The following ZNF578 variants were observed in gnomAD, a reference collection of about 807,000 sequenced individuals.
ZNF578 encodes the protein zinc finger protein 578, also known as Putative chemokine-related protein B42.
In ZNF578, 8 loss-of-function variants were observed where a neutral mutation model predicts 8.3. That is an observed-to-expected ratio of 0.96 (90% CI 0.56 to 1.74). The LOEUF (loss-of-function observed/expected upper bound fraction) is 1.74, where lower values mean the gene tolerates loss of function less well. Ranked by LOEUF, ZNF578 falls within the 40% of genes most tolerant of loss-of-function variation. ZNF578 has a pLI of 0.00. For missense variants in ZNF578, 726 were observed against 707.5 expected, an observed-to-expected ratio of 1.03 and a Z score of -0.30; for synonymous variants, 206 against 232.2, an observed-to-expected ratio of 0.89 and a Z score of 1.03.
At position 52,516,684 on chromosome 19, in the gene ZNF578, G is replaced by C. The variant is rs1007690741; in HGVS notation, c.*4530G>C. ...TGTAATCTCCCCCACCCTTCAGAAG[G>C]CTCTTTGTAATCCTCCCCACCCTTG... On this transcript the variant is annotated 3_prime_UTR_variant, in exon 6 of 6. Coordinates refer to ENST00000421239, the MANE Select transcript of ZNF578 (RefSeq NM_001099694.2). Among the ~76,000 whole-genome samples, 1 of 152,040 alleles carries C rather than the reference G, an allele frequency of 6.6e-6. No individual in the cohort carries two copies. The highest frequency in any genetic ancestry group is 1.5e-5 in the Non-Finnish European group (1 of 68,032).
chr19:52,459,955 CG>C (rs1267606579), intron 2 of ZNF578, among the ~76,000 whole-genome samples: 1 of 148,772 alleles, frequency 6.7e-6, no homozygotes. Flanking sequence ...TTATTAGAGA[CG>C]GGGTTTCACC....
In ZNF578 at chr19:52,516,447, C is replaced by T. The variant is rs1198326902; in HGVS notation, c.*4293C>T. 6.6e-6 allele frequency among the ~76,000 whole-genome samples: 1 copy of T among 152,156 alleles called. No individual in the cohort carries two copies. The highest frequency in any genetic ancestry group is 6.6e-5 in the Admixed American group (1 of 15,264). On this transcript the variant is annotated 3_prime_UTR_variant, in exon 6 of 6. Transcript: ENST00000421239. ...GTTTATCCTCCATGGTGAGGAGGGC[C>T]GCAGGGGGGACTGTATTTGCTCAGG...
chr19:52,477,852 C>G (rs2059313071), intron 2 of ZNF578, among the ~76,000 whole-genome samples: 1 of 152,212 alleles, frequency 6.6e-6, no homozygotes, highest in African/African-American at 2.4e-5. Flanking sequence ...GAATCTGACA[C>G]TTGACTGCCT....
intron 2 of ZNF578, among the ~76,000 whole-genome samples, chr19:52,472,836 C>T (rs577263254): frequency 6.6e-6 from 1 of 152,246 alleles, no homozygotes; most frequent in Admixed American, 6.5e-5. Context: ...AAAAAACCTC[C>T]CAAATAATTT....
chr19:52,469,198 T>C (rs2059284707), intron 2 of ZNF578, among the ~76,000 whole-genome samples: 1 of 135,024 alleles, frequency 7.4e-6, no homozygotes, highest in African/African-American at 2.7e-5. Context: ...TCTCACTCTT[T>C]TGCCCAGGCT....
intron 2 of ZNF578, chr19:52,473,766 C>T (rs1896642): frequency 0.93 from 289,829 of 310,674 alleles, 136,222 homozygotes; most frequent in Non-Finnish European, 0.98. Flanking sequence ...AACAGATGGG[C>T]AGTGAGGCTT....
intron 5 of ZNF578, among the ~76,000 whole-genome samples, chr19:52,506,302 T>C (rs910833397): frequency 6.6e-6 from 1 of 152,048 alleles, no homozygotes; most frequent in African/African-American, 2.4e-5. Flanking sequence ...TGGTTTTTTC[T>C]CTTTACTATT....
chr19:52,474,188 A>G (rs2059300960), intron 2 of ZNF578: 1 of 300,496 alleles, frequency 3.3e-6, no homozygotes, highest in Non-Finnish European at 6.9e-6. Context: ...AAGATGGGCA[A>G]TAAGGCCTGA....
chr19:52,465,237 C>T (rs1183352668), intron 2 of ZNF578, among the ~76,000 whole-genome samples: 3 of 152,092 alleles, frequency 2.0e-5, no homozygotes, highest in Non-Finnish European at 4.4e-5. Flanking sequence ...ATAATTGGCA[C>T]GGAGAGCCGA....
chr19:52,501,143 C>T (rs772118286), intron 3 of ZNF578, among the ~76,000 whole-genome samples: 17 of 152,142 alleles, frequency 1.1e-4, no homozygotes, highest in Non-Finnish European at 2.4e-4. Context: ...TCCCAAAGTG[C>T]TGGGATTATA....
At chr19:52,456,397 A>G (rs1265647906) in intron 1 of ZNF578, 1 of 152,206 alleles carries the variant, frequency 6.6e-6, no homozygotes, top group East Asian at 1.9e-4. Flanking sequence ...AGAGATTCCC[A>G]TGCATGTAGG....
intron 2 of ZNF578, among the ~76,000 whole-genome samples, chr19:52,490,640 A>ATTT (rs200893705): frequency 7.0e-6 from 1 of 143,540 alleles, no homozygotes. Context: ...TTGTATTAAC[A>ATTT]TTTTTTTTTT....
intron 5 of ZNF578, among the ~76,000 whole-genome samples, chr19:52,506,727 C>G (rs2059426996): frequency 6.6e-6 from 1 of 152,118 alleles, no homozygotes; most frequent in Non-Finnish European, 1.5e-5. Flanking sequence ...GCCCATTATG[C>G]CTGGCGCAAG....
intron 2 of ZNF578, among the ~76,000 whole-genome samples, chr19:52,482,107 C>T (rs538047045): frequency 2.0e-5 from 3 of 152,278 alleles, no homozygotes; most frequent in South Asian, 2.1e-4. Flanking sequence ...GATCTCAGCT[C>T]GCCACAACCT....
chr19:52,508,893 A>ATTTT (rs869062581), intron 5 of ZNF578, among the ~76,000 whole-genome samples: 11 of 82,046 alleles, frequency 1.3e-4, no homozygotes, highest in Non-Finnish European at 1.7e-4. Context: ...CTATTAGTCA[A>ATTTT]TTTTTTTTTT....
rs1395418924 is a variant in ZNF578 at position 52,459,765 on chromosome 19, A to T, written c.-122+2807A>T. Among the ~76,000 whole-genome samples the T allele has an allele frequency of 2.4e-3, 18 of 7,390 alleles. 1 individual carries two copies. The highest frequency in any genetic ancestry group is 5.1e-3 in the African/African-American group (17 of 3,342). The allele number at this position is 7,390 out of a possible 152,430, so 4.8% of individuals were successfully genotyped here. ...TGTGTGTGTGTGTATATATATATAT[A>T]TATATTTTTTTTTTTTTTTTTTTTT... On this transcript the variant is annotated intron_variant, in intron 2 of 5. Coordinates refer to ENST00000421239, the MANE Select transcript of ZNF578 (RefSeq NM_001099694.2).
At chr19:52,507,839 C>T (rs865814288) in intron 5 of ZNF578, among the ~76,000 whole-genome samples, 3 of 150,972 alleles carry the variant, frequency 2.0e-5, no homozygotes, top group African/African-American at 2.4e-5. Context: ...CACATGAGGT[C>T]GGGAGTTTGA....
chr19:52,507,668 C>A (rs1192730146), intron 5 of ZNF578, among the ~76,000 whole-genome samples: 1 of 152,194 alleles, frequency 6.6e-6, no homozygotes, highest in Non-Finnish European at 1.5e-5. Context: ...GAGCCTTCTT[C>A]GTGGTTTAGC....
intron 2 of ZNF578, among the ~76,000 whole-genome samples, chr19:52,489,190 G>A (rs1568461555): frequency 1.5e-5 from 2 of 135,820 alleles, no homozygotes; most frequent in Admixed American, 7.5e-5. Context: ...AATCTCTTTA[G>A]GCAGGAGAAT....
Sources: allele counts gnomAD v4.1 joint callset (sites outside exome capture counted in the v4.1 genomes callset), GRCh38; gene constraint gnomAD v4.1.1; transcripts MANE v1.5; gene names NCBI Gene and HGNC (gene_info 2026-07-23, HGNC 2026-07-21).